The following RNF144A variants were observed in gnomAD, a reference collection of about 807,000 sequenced individuals.
The protein encoded by RNF144A is ring finger protein 144A, also known as E3 ubiquitin-protein ligase RNF144A.
In RNF144A, 11 loss-of-function variants were observed where a neutral mutation model predicts 38.7. That is an observed-to-expected ratio of 0.28 (90% CI 0.18 to 0.47). The LOEUF (loss-of-function observed/expected upper bound fraction) is 0.47. RNF144A is among the 20% of genes least tolerant of loss of function. The probability of loss-of-function intolerance (pLI) is 0.99; values close to 1 mark genes in which losing one functional copy is unlikely to be tolerated. For synonymous variants in RNF144A, 149 were observed against 143.9 expected (o/e 1.04, Z -0.25); for missense variants, 316 against 377.2 (o/e 0.84, Z 1.34).
At chr2:6,922,626 CT>C (rs1209204554) in intron 1 of RNF144A, among the ~76,000 whole-genome samples, 182 of 136,908 alleles carry the variant, frequency 1.3e-3, no homozygotes, top group Admixed American at 1.5e-3. Flanking sequence ...TCTTGTTTTT[CT>C]TTTTTTTTTT....
chr2:7,016,718 C>T (rs1004722638), intron 5 of RNF144A, among the ~76,000 whole-genome samples: 2 of 151,838 alleles, frequency 1.3e-5, no homozygotes, highest in Admixed American at 1.3e-4. Context: ...TAGCCAGCAC[C>T]TTGAAAGAGT....
At chr2:6,926,761 A>G (rs1664900929) in intron 1 of RNF144A, among the ~76,000 whole-genome samples, 1 of 152,242 alleles carries the variant, frequency 6.6e-6, no homozygotes, top group African/African-American at 2.4e-5. Flanking sequence ...AGCCACATTC[A>G]TTCACTATAA....
chr2:6,982,205 A>T (rs1668674882), intron 2 of RNF144A, among the ~76,000 whole-genome samples: 1 of 152,206 alleles, frequency 6.6e-6, no homozygotes, highest in African/African-American at 2.4e-5. Context: ...ACTTCACATG[A>T]GTGGCAAAAT....
At chr2:6,949,925 C>A (rs959220963) in intron 2 of RNF144A, among the ~76,000 whole-genome samples, 4 of 152,134 alleles carry the variant, frequency 2.6e-5, no homozygotes, top group Non-Finnish European at 4.4e-5. Flanking sequence ...CCAGAGAAAA[C>A]CACTATCATC....
chr2:7,023,394 G>A (rs774938773), intron 6 of RNF144A, among the ~76,000 whole-genome samples: 78 of 152,228 alleles, frequency 5.1e-4, no homozygotes, highest in Middle Eastern at 3.4e-3. Flanking sequence ...CTCAACTGCC[G>A]TGAATATATA....
chr2:6,951,221 G>C (rs1198195368), intron 2 of RNF144A, among the ~76,000 whole-genome samples: 1 of 151,312 alleles, frequency 6.6e-6, no homozygotes, highest in Non-Finnish European at 1.5e-5. Context: ...ATGGCCCTTT[G>C]TCTCTATTTA....
chr2:6,920,165 C>T (rs1022062441), intron 1 of RNF144A, among the ~76,000 whole-genome samples: 3 of 152,238 alleles, frequency 2.0e-5, no homozygotes, highest in Admixed American at 1.3e-4. Context: ...ATTCTTTCCC[C>T]TGTGGTCCAC....
At chr2:6,968,891 G>A (rs1403440882) in intron 2 of RNF144A, among the ~76,000 whole-genome samples, 1 of 152,148 alleles carries the variant, frequency 6.6e-6, no homozygotes, top group Non-Finnish European at 1.5e-5. Flanking sequence ...TCCCTGCAGT[G>A]GCAGTGAGAG....
intron 6 of RNF144A, among the ~76,000 whole-genome samples, chr2:7,052,738 T>TGG (rs1039523057): frequency 6.6e-6 from 1 of 151,596 alleles, no homozygotes; most frequent in African/African-American, 2.4e-5. Context: ...TAACATGGGG[T>TGG]GGGGGGGAAT....
At chr2:7,027,774 T>C (rs981961203) in intron 7 of RNF144A, among the ~76,000 whole-genome samples, 1 of 152,234 alleles carries the variant, frequency 6.6e-6, no homozygotes, top group African/African-American at 2.4e-5. Flanking sequence ...TTCCTGCAGC[T>C]CCTGGGATTG....
chr2:6,963,338 C>T (rs564492706), intron 2 of RNF144A, among the ~76,000 whole-genome samples: 5 of 152,302 alleles, frequency 3.3e-5, no homozygotes, highest in Admixed American at 6.5e-5. Flanking sequence ...CATTCTGATC[C>T]GATTTACCTT....
At chr2:6,939,155 G>A (rs976494684) in intron 1 of RNF144A, among the ~76,000 whole-genome samples, 1 of 152,172 alleles carries the variant, frequency 6.6e-6, no homozygotes, top group Admixed American at 6.5e-5. Flanking sequence ...TTGAGGAGCT[G>A]CCAAACTATT....
chr2:6,931,069 G>T (rs1665181411), intron 1 of RNF144A, among the ~76,000 whole-genome samples: 1 of 152,206 alleles, frequency 6.6e-6, no homozygotes, highest in South Asian at 2.1e-4. Context: ...CTGATACCAT[G>T]CACCTGCAGG....
intron 6 of RNF144A, among the ~76,000 whole-genome samples, chr2:7,057,008 C>T (rs569081242): frequency 1.3e-5 from 2 of 152,334 alleles, no homozygotes; most frequent in South Asian, 2.1e-4. Context: ...TCTGCTGGAT[C>T]TCACCCCCAG....
chr2:6,995,981 CT>C (rs1473961011), intron 2 of RNF144A, among the ~76,000 whole-genome samples: 2 of 151,356 alleles, frequency 1.3e-5, no homozygotes, highest in South Asian at 2.1e-4. Flanking sequence ...TATCAGCCCC[CT>C]CATGTGGATG....
intron 6 of RNF144A, among the ~76,000 whole-genome samples, chr2:7,052,183 G>GA (rs1211622946): frequency 2.0e-5 from 3 of 151,478 alleles, no homozygotes; most frequent in Non-Finnish European, 2.9e-5. Flanking sequence ...TTCTGAACCA[G>GA]AAAAAAAACA....
chr2:6,921,009 T>A (rs1286209011), intron 1 of RNF144A, among the ~76,000 whole-genome samples: 1 of 152,110 alleles, frequency 6.6e-6, no homozygotes, highest in Non-Finnish European at 1.5e-5. Context: ...TTGGATCATA[T>A]TTTTTTTCCA....
At position 7,020,689 on chromosome 2, in the gene RNF144A, TG is replaced by T; in HGVS notation, c.509+10del. 1.3e-6 allele frequency: 2 copies of T among 1,598,564 alleles called. No individual in the cohort carries two copies. Among genetic ancestry groups the T allele is most frequent in the Non-Finnish European group, 1.7e-6 (2 of 1,177,774 alleles). ...CTCCCCGGGGAGACCAGGTACCCTTTGTACACAAGCTGCCACCAAAGGCATG... is the reference window on the plus strand; with the variant it reads ...CTCCCCGGGGAGACCAGGTACCCTTTTACACAAGCTGCCACCAAAGGCATG... On this transcript the variant is annotated intron_variant, in intron 6 of 8. Transcript: ENST00000320892.
intron 3 of RNF144A, among the ~76,000 whole-genome samples, chr2:7,002,760 T>A (rs1250616697): frequency 6.6e-6 from 1 of 152,196 alleles, no homozygotes; most frequent in Non-Finnish European, 1.5e-5. Flanking sequence ...AGTGTACTAC[T>A]ACTTATGAAA....
Sources: gnomAD v4.1 joint callset for allele counts (sites outside exome capture counted in the v4.1 genomes callset) on GRCh38, gnomAD v4.1.1 for gene constraint, MANE v1.5 for transcripts, NCBI Gene and HGNC (gene_info 2026-07-23, HGNC 2026-07-21) for gene names.